SPATA1: variants seen among roughly 807,000 people sequenced by gnomAD.
SPATA1 encodes spermatogenesis associated 1, also known as spermatogenesis-associated protein 1.
Under a neutral mutation model 59.6 loss-of-function variants are expected in SPATA1, and 57 were observed. That is an observed-to-expected ratio of 0.96 (90% CI 0.77 to 1.19). The LOEUF (loss-of-function observed/expected upper bound fraction) is 1.19, where lower values mean the gene tolerates loss of function less well. SPATA1 is among the 50% of genes most tolerant of loss of function. The probability of loss-of-function intolerance (pLI) is 0.00; values close to 1 mark genes in which losing one functional copy is unlikely to be tolerated. For synonymous variants in SPATA1, 147 were observed against 163.9 expected, an observed-to-expected ratio of 0.90 and a Z score of 0.79; for missense variants, 448 against 480.7, an observed-to-expected ratio of 0.93 and a Z score of 0.64.
intron 8 of SPATA1, among the ~76,000 whole-genome samples, chr1:84,537,736 G>A (rs770251533): frequency 9.9e-5 from 15 of 152,170 alleles, no homozygotes; most frequent in Non-Finnish European, 1.8e-4. Context: ...GATTCTGATC[G>A]TTGGGGACCT....
chr1:84,564,370 C>T (rs7547026), intron 4 of SPATA1, among the ~76,000 whole-genome samples: 15,016 of 151,996 alleles, frequency 0.099, 1,379 homozygotes, highest in African/African-American at 0.24. Context: ...TTTTCTTGCC[C>T]AATGCTGCAA....
chr1:84,535,405 G>A (rs967793081), intron 8 of SPATA1, among the ~76,000 whole-genome samples: 19 of 151,990 alleles, frequency 1.3e-4, no homozygotes, highest in African/African-American at 2.9e-4. Flanking sequence ...TGAAATCACC[G>A]TGAATCTGTC....
At chr1:84,508,402 G>T (rs778585665) in intron 1 of SPATA1, among the ~76,000 whole-genome samples, 2 of 151,844 alleles carry the variant, frequency 1.3e-5, no homozygotes, top group Non-Finnish European at 2.9e-5. Context: ...GATGTTCTTT[G>T]ACCTTCCACA....
intron 8 of SPATA1, among the ~76,000 whole-genome samples, chr1:84,543,748 AAC>A (rs1399858232): frequency 6.6e-6 from 1 of 152,212 alleles, no homozygotes; most frequent in African/African-American, 2.4e-5. Context: ...AGGCAACAGA[AAC>A]ACAAACACAG....
At chr1:84,536,131 TAA>T (rs1683668866) in intron 8 of SPATA1, among the ~76,000 whole-genome samples, 1 of 152,252 alleles carries the variant, frequency 6.6e-6, no homozygotes, top group Non-Finnish European at 1.5e-5. Flanking sequence ...AATATTTTGT[TAA>T]TTCATGCTAG....
chr1:84,559,608 C>T (rs1684549473), intron 4 of SPATA1, among the ~76,000 whole-genome samples: 1 of 151,612 alleles, frequency 6.6e-6, no homozygotes, highest in Admixed American at 6.6e-5. Flanking sequence ...GGTGACGGAG[C>T]GATACTCCAT....
At chr1:84,554,929 A>C (rs945962764), downstream of SPATA1, 16 of 1,243,488 alleles carry the variant, frequency 1.3e-5, no homozygotes, top group Non-Finnish European at 1.1e-6. Context: ...GCAACATAAT[A>C]AAAATGCAAG....
At chr1:84,537,144 C>T (rs930936710) in intron 8 of SPATA1, among the ~76,000 whole-genome samples, 1 of 151,964 alleles carries the variant, frequency 6.6e-6, no homozygotes, top group African/African-American at 2.4e-5. Flanking sequence ...TCCCAAAGTG[C>T]TGAAATTACA....
At chr1:84,524,906 T>C (rs2101947789) in intron 4 of SPATA1, among the ~76,000 whole-genome samples, 1 of 152,282 alleles carries the variant, frequency 6.6e-6, no homozygotes, top group Middle Eastern at 3.4e-3. Flanking sequence ...TTTTGCCTTA[T>C]TTATCATTGT....
At chr1:84,535,965 C>A (rs559015464) in intron 8 of SPATA1, among the ~76,000 whole-genome samples, 13 of 152,190 alleles carry the variant, frequency 8.5e-5, no homozygotes, top group South Asian at 2.1e-4. Context: ...CTAGAACCTG[C>A]TCCTCCAGTC....
At chr1:84,518,773 T>C (rs1682897125) in intron 2 of SPATA1, among the ~76,000 whole-genome samples, 1 of 151,932 alleles carries the variant, frequency 6.6e-6, no homozygotes, top group Admixed American at 6.6e-5. Context: ...TCTTTTCCCT[T>C]AGGTCTTTAC....
chr1:84,522,558 A>G (rs1683072745), intron 4 of SPATA1, 51 bp downstream of exon 4: 3 of 931,532 alleles, frequency 3.2e-6, no homozygotes, highest in Non-Finnish European at 4.7e-6. Flanking sequence ...TACCTTCTCA[A>G]ATTACATTTC....
chr1:84,512,985 C>T (rs1682636695), intron 1 of SPATA1, among the ~76,000 whole-genome samples: 1 of 152,170 alleles, frequency 6.6e-6, no homozygotes, highest in Non-Finnish European at 1.5e-5. Flanking sequence ...GAATTGTTGG[C>T]ATCATTTTGT....
At chr1:84,524,441 G>A (rs1409721380) in intron 4 of SPATA1, among the ~76,000 whole-genome samples, 1 of 152,104 alleles carries the variant, frequency 6.6e-6, no homozygotes, top group Non-Finnish European at 1.5e-5. Flanking sequence ...AATTAATTGG[G>A]CCTCACTGAG....
Position 84,543,097 on chromosome 1 carries a change from A to ACAAT in SPATA1, c.718-1105_718-1104insCAAT, listed in dbSNP as rs1683964719. Among the ~76,000 whole-genome samples, 4 of 152,310 alleles carry ACAAT rather than the reference A, an allele frequency of 2.6e-5. No individual in the cohort carries two copies. The South Asian group carries it at 8.3e-4, about 32-fold the overall frequency. On this transcript the variant is annotated intron_variant, in intron 8 of 12. Transcript: ENST00000490879. Reference sequence around the variant, plus strand: ...TGTGAATGTGGCCTCTCTCTCTCTAAAAGTATCTTATTGTACTGTACCGTG... The same window carrying ACAAT: ...TGTGAATGTGGCCTCTCTCTCTCTAACAATAAGTATCTTATTGTACTGTACCGTG...
intron 10 of SPATA1, among the ~76,000 whole-genome samples, chr1:84,547,590 T>C (rs780985063): frequency 2.6e-5 from 4 of 152,122 alleles, no homozygotes; most frequent in African/African-American, 4.8e-5. Context: ...ATGCTTTAGG[T>C]AGAATTTTCA....
intron 1 of SPATA1, among the ~76,000 whole-genome samples, chr1:84,514,800 G>A (rs1682723654): frequency 6.6e-6 from 1 of 152,068 alleles, no homozygotes; most frequent in African/African-American, 2.4e-5. Flanking sequence ...GTGAAAACCT[G>A]TCTCTATTAA....
At chr1:84,563,621 T>G in intron 4 of SPATA1, 1 of 701,018 alleles carries the variant, frequency 1.4e-6, no homozygotes, top group Non-Finnish European at 2.2e-6. Context: ...TAAATAATTT[T>G]TATCTCAAAC....
At chr1:84,551,285 A>G in intron 12 of SPATA1, 1 of 980,798 alleles carries the variant, frequency 1.0e-6, no homozygotes, top group Non-Finnish European at 1.2e-6. Flanking sequence ...CAGAATAATG[A>G]CTGCATTCTA....
Sources: gnomAD v4.1 joint callset for allele counts (sites outside exome capture counted in the v4.1 genomes callset) on GRCh38, gnomAD v4.1.1 for gene constraint, MANE v1.5 for transcripts, NCBI Gene and HGNC (gene_info 2026-07-23, HGNC 2026-07-21) for gene names.